Variants in DST observed in about 807,000 individuals in gnomAD.
The protein encoded by DST is dystonin, also known as bullous pemphigoid antigen.
Under a neutral mutation model 875.2 loss-of-function variants are expected in DST, and 253 were observed. The ratio of observed to expected loss-of-function variants is 0.29; its 90% CI spans 0.26 to 0.32. DST has a LOEUF of 0.32. DST is among the 10% of genes least tolerant of loss of function. The probability of loss-of-function intolerance (pLI) is 1.00; values close to 1 mark genes in which losing one functional copy is unlikely to be tolerated. For missense variants in DST, 8,287 were observed against 9,111.6 expected (o/e 0.91, Z 3.68); for synonymous variants, 3,124 against 3,197.1 (o/e 0.98, Z 0.77).
chr6:56,653,730 A>G (rs1447570452), intron 10 of DST, among the ~76,000 whole-genome samples: 1 of 152,082 alleles, frequency 6.6e-6, no homozygotes. Context: ...AGCCTATAAA[A>G]TTTAAAATGC....
In DST at chr6:56,606,101, TA is replaced by T; in HGVS notation, c.8526del (p.Ile2843PhefsTer2). 6.2e-7 allele frequency: 1 copy of T among 1,612,940 alleles called. No individual in the cohort carries two copies. The highest frequency in any genetic ancestry group is 8.5e-7 in the Non-Finnish European group (1 of 1,179,264). ...TTTTCATCACTGTTTTCATTTAAAATAGAGGCACACAACTGGATATCCATAT... is the reference window on the plus strand; with the variant it reads ...TTTTCATCACTGTTTTCATTTAAAATGAGGCACACAACTGGATATCCATAT... Reference protein sequence around the residue: ...AEDMDIQLCASILNENSDENE... With the variant: ...AEDMDIQLCAXILNENSDENE... On this transcript the variant is annotated frameshift_variant, in exon 40 of 104. Transcript: ENST00000680361. LOFTEE classifies it high-confidence loss of function.
At chr6:56,685,460 C>G (rs2099178808) in intron 9 of DST, among the ~76,000 whole-genome samples, 1 of 152,172 alleles carries the variant, frequency 6.6e-6, no homozygotes, top group African/African-American at 2.4e-5. Flanking sequence ...GATACCATCT[C>G]ACACCAGTCA....
chr6:56,662,573 T>A (rs753106690), intron 10 of DST, among the ~76,000 whole-genome samples: 1 of 152,190 alleles, frequency 6.6e-6, no homozygotes, highest in Non-Finnish European at 1.5e-5. Context: ...ACCGTGGCTG[T>A]GTCACTTTTT....
chr6:56,568,322 T>G (rs993655404), intron 55 of DST, 147 bp downstream of exon 55: 12 of 758,470 alleles, frequency 1.6e-5, no homozygotes, highest in Admixed American at 1.6e-4. Context: ...CCCAGCACAG[T>G]GTGCTTACAG....
At chr6:56,573,164 A>G in intron 51 of DST, 100 bp from the exon 52 acceptor site, 1 of 1,050,312 alleles carries the variant, frequency 9.5e-7, no homozygotes, top group Admixed American at 3.0e-5. Flanking sequence ...AAGCTTGCAC[A>G]ACCTGTGCCT....
intron 3 of DST, among the ~76,000 whole-genome samples, chr6:56,860,931 T>C (rs1229248178): frequency 6.6e-6 from 1 of 152,216 alleles, no homozygotes; most frequent in Admixed American, 6.5e-5. Context: ...CAGAAGGTTT[T>C]TTTCTTTTAA....
intron 31 of DST, among the ~76,000 whole-genome samples, chr6:56,629,858 A>G (rs773506580): frequency 1.3e-5 from 2 of 152,266 alleles, no homozygotes; most frequent in African/African-American, 2.4e-5. Context: ...CTTGCTAAAG[A>G]AATACACATA....
chr6:56,834,661 C>T (rs559479825), intron 4 of DST, among the ~76,000 whole-genome samples: 1 of 151,820 alleles, frequency 6.6e-6, no homozygotes, highest in South Asian at 2.1e-4. Flanking sequence ...CAATGAAATA[C>T]CACCACGCAC....
At position 56,849,367 on chromosome 6, in the gene DST, C is replaced by T. The variant is rs151241014; in HGVS notation, c.625+2030G>A. Among the ~76,000 whole-genome samples the T allele has an allele frequency of 7.1e-3, 1,085 of 152,180 alleles. 8 individuals are homozygous for T. The highest frequency in any genetic ancestry group is 9.6e-3 in the Non-Finnish European group (656 of 67,982). On this transcript the variant is annotated intron_variant, in intron 4 of 103. Coordinates refer to ENST00000680361, the MANE Select transcript of DST (RefSeq NM_001374736.1). ...GACCAGGATGGTCTCGATCTCTTGACCTCATGATCCGCCCACGGGGGCCTC... is the reference window on the plus strand; with the variant it reads ...GACCAGGATGGTCTCGATCTCTTGATCTCATGATCCGCCCACGGGGGCCTC...
intron 5 of DST, among the ~76,000 whole-genome samples, chr6:56,728,675 CA>C (rs1207177191): frequency 1.3e-5 from 2 of 151,090 alleles, no homozygotes; most frequent in East Asian, 3.9e-4. Flanking sequence ...GACTCTGTCT[CA>C]AAAAAAATAA....
At chr6:56,619,505 G>C in intron 36 of DST, 1 of 1,612,810 alleles carries the variant, frequency 6.2e-7, no homozygotes, top group South Asian at 1.1e-5. Context: ...ATCTCGAAAA[G>C]AATGAATTTG....
At chr6:56,930,447 G>C (rs1294963129) in intron 2 of DST, among the ~76,000 whole-genome samples, 1 of 152,172 alleles carries the variant, frequency 6.6e-6, no homozygotes, top group Non-Finnish European at 1.5e-5. Flanking sequence ...TGAGAAACTG[G>C]ATTTCAGGGC....
intron 73 of DST, 41 bp downstream of exon 73, chr6:56,511,156 G>A (rs2096467494): frequency 6.7e-7 from 1 of 1,496,118 alleles, no homozygotes; most frequent in African/African-American, 1.4e-5. Context: ...GTGCTCTGTT[G>A]TCTGCAAGAA....
intron 88 of DST, chr6:56,484,999 T>C (rs1445969975): frequency 1.1e-5 from 3 of 261,782 alleles, no homozygotes; most frequent in Non-Finnish European, 2.2e-5. Context: ...AGTGCATAAC[T>C]AAAGATAGTA....
chr6:56,526,388 G>A lies in DST; in HGVS notation c.18102C>T (p.Ile6034=), dbSNP rs201951832. The A allele has an allele frequency of 1.7e-4, 267 of 1,613,700 alleles. No individual in the cohort carries two copies. Among genetic ancestry groups the A allele is most frequent in the Non-Finnish European group, 2.1e-4 (244 of 1,179,794 alleles). Residue 6034 remains isoleucine (I), a synonymous_variant, in exon 69 of 104, where the codon ATC becomes ATT. Transcript: ENST00000680361. ...GCTGTGATCGCAGAATGGCTGCATC[G>A]ATCTCCTCCACCTTCTGAGTGATGG... ...SDTITQKVEE[I]DAAILRSQQF...
chr6:56,717,159 T>G (rs1031707152), intron 5 of DST, among the ~76,000 whole-genome samples: 1 of 151,564 alleles, frequency 6.6e-6, no homozygotes, highest in Admixed American at 6.6e-5. Context: ...CTCCAGCCTG[T>G]GCAACAGAGC....
Position 56,627,245 on chromosome 6 carries a change from C to T in DST, c.4681G>A (p.Glu1561Lys), listed in dbSNP as rs201561540. 2.7e-5 allele frequency: 43 copies of T among 1,612,840 alleles called. No homozygotes were observed. Among genetic ancestry groups the T allele is most frequent in the Middle Eastern group, 1.6e-4 (1 of 6,084 alleles). ...TACTGTTCTGCATATTTTTGACACT[C>T]GTCCATTTTGCTCTGTTTCATTTCT... ...EIEMKQSKMDECQKYAEQYSA... is the reference protein window; with the variant it reads ...EIEMKQSKMDKCQKYAEQYSA... The change falls in exon 34 of 104, where the codon GAG becomes AAG. Residue 1561 changes from glutamate to lysine, a missense_variant. Glu to Lys is a moderately conservative substitution (Grantham distance 56). Transcript: ENST00000680361.
At chr6:56,749,933 C>T (rs1330262440) in intron 4 of DST, among the ~76,000 whole-genome samples, 1 of 152,168 alleles carries the variant, frequency 6.6e-6, no homozygotes, top group Admixed American at 6.5e-5. Context: ...CCATGCATGC[C>T]CCAGTGGGCT....
Position 56,553,542 on chromosome 6 carries a change from G to C in DST, c.15250C>G (p.His5084Asp). ...DTKKEEQNKS[H>D]PISAKLDVLE... The stretch of plus-strand genomic sequence containing the variant: ...ACATCGAGTTTGGCAGATATTGGAT[G>C]AGATTTGTTTTGCTCTTCTTTCTTT... The change falls in exon 61 of 104, where the codon CAT becomes GAT. Residue 5084 changes from histidine to aspartate, a missense_variant. His to Asp is a moderately conservative substitution (Grantham distance 81). Around this residue, in one of 10 missense-constraint regions of DST, gnomAD observed 1,513 missense variants for 1,677.8 expected, o/e 0.90. Coordinates refer to ENST00000680361, the MANE Select transcript of DST (RefSeq NM_001374736.1). The C allele has an allele frequency of 1.9e-6, 3 of 1,613,918 alleles. No individual in the cohort carries two copies. The highest frequency in any genetic ancestry group is 2.5e-6 in the Non-Finnish European group (3 of 1,179,886).
Sources: allele counts gnomAD v4.1 joint callset (sites outside exome capture counted in the v4.1 genomes callset), GRCh38; gene constraint gnomAD v4.1.1; regional missense constraint gnomAD v4.1.1; transcripts MANE v1.5; gene names NCBI Gene and HGNC (gene_info 2026-07-23, HGNC 2026-07-21).